Variants in ATG7 observed in about 807,000 individuals in gnomAD.
ATG7 encodes ubiquitin-like modifier-activating enzyme ATG7.
A neutral mutation model predicts 82.4 loss-of-function variants in ATG7; 70 were observed. That is an observed-to-expected ratio of 0.85 (90% confidence interval 0.70 to 1.04). ATG7 has a LOEUF of 1.04. Among genes scored for constraint, ATG7 ranks in the 50% least tolerant of loss-of-function variants. ATG7 has a pLI of 0.00. For missense variants in ATG7, 792 were observed against 864.3 expected (o/e 0.92, Z 1.05); for synonymous variants, 287 against 313.0 (o/e 0.92, Z 0.88).
intron 20 of ATG7, among the ~76,000 whole-genome samples, chr3:11,510,622 G>A (rs1350423555): frequency 2.6e-5 from 4 of 152,132 alleles, no homozygotes; most frequent in East Asian, 1.9e-4. Context: ...GGAGAGGCTC[G>A]CCTTGGAGGA....
chr3:11,467,921 C>A (rs191800582), intron 20 of ATG7, among the ~76,000 whole-genome samples: 3 of 152,190 alleles, frequency 2.0e-5, no homozygotes, highest in East Asian at 1.9e-4. Flanking sequence ...AGAAAGAATT[C>A]CTCCCCCAGT....
At chr3:11,520,238 C>T (rs547397095) in intron 20 of ATG7, among the ~76,000 whole-genome samples, 1 of 152,282 alleles carries the variant, frequency 6.6e-6, no homozygotes, top group South Asian at 2.1e-4. Context: ...AGCTCATGCT[C>T]CACACCTCGA....
intron 13 of ATG7, 68 bp downstream of exon 13, chr3:11,342,347 A>C: frequency 6.6e-7 from 1 of 1,513,812 alleles, no homozygotes; most frequent in Non-Finnish European, 8.8e-7. Flanking sequence ...TTTTACTCTC[A>C]TGATTGCCTT....
At chr3:11,445,057 T>G (rs537894895) in intron 20 of ATG7, among the ~76,000 whole-genome samples, 288 of 152,294 alleles carry the variant, frequency 1.9e-3, no homozygotes, top group African/African-American at 6.7e-3. Flanking sequence ...AAACAATAGA[T>G]GCTGGCGAGG....
At chr3:11,358,323 A>T in intron 14 of ATG7, 95 bp from the exon 15 acceptor site, 1 of 1,278,068 alleles carries the variant, frequency 7.8e-7, no homozygotes, top group Non-Finnish European at 1.1e-6. Context: ...ATGTATGTGA[A>T]CACAAGTAAG....
downstream of ATG7, among the ~76,000 whole-genome samples, chr3:11,560,916 C>T (rs986968165): frequency 2.0e-5 from 3 of 152,180 alleles, no homozygotes; most frequent in African/African-American, 7.2e-5. Context: ...CAGACAGGCT[C>T]GGAAAGGGGG....
chr3:11,375,733 T>C (rs2077369925), intron 18 of ATG7, among the ~76,000 whole-genome samples: 1 of 152,198 alleles, frequency 6.6e-6, no homozygotes. Flanking sequence ...CTAATTTTTA[T>C]ATTTTTACTA....
chr3:11,315,044 G>C (rs999802315), intron 8 of ATG7, among the ~76,000 whole-genome samples: 2 of 152,186 alleles, frequency 1.3e-5, no homozygotes, highest in African/African-American at 4.8e-5. Flanking sequence ...GTTATCATAG[G>C]AGAGAAAGAA....
intron 20 of ATG7, among the ~76,000 whole-genome samples, chr3:11,493,324 G>C (rs957030701): frequency 1.3e-5 from 2 of 152,164 alleles, no homozygotes; most frequent in East Asian, 3.9e-4. Flanking sequence ...ACATCCAGCT[G>C]CTTCTCCTCT....
intron 20 of ATG7, among the ~76,000 whole-genome samples, chr3:11,454,338 T>C (rs2085488266): frequency 6.6e-6 from 1 of 152,172 alleles, no homozygotes; most frequent in Admixed American, 6.5e-5. Context: ...CCAAAATGCT[T>C]GGGTCAGAAA....
At chr3:11,497,620 A>G (rs955051254) in intron 20 of ATG7, among the ~76,000 whole-genome samples, 1 of 149,264 alleles carries the variant, frequency 6.7e-6, no homozygotes, top group African/African-American at 2.5e-5. Flanking sequence ...ATGTTATTCT[A>G]TCTTAATGCA....
chr3:11,340,166 T>C (rs1041693499), intron 11 of ATG7, among the ~76,000 whole-genome samples: 3 of 152,192 alleles, frequency 2.0e-5, no homozygotes, highest in African/African-American at 7.2e-5. Flanking sequence ...GACTGTGATC[T>C]GCTCACAGGT....
chr3:11,534,997 C>G (rs2092763110), intron 20 of ATG7, among the ~76,000 whole-genome samples: 2 of 152,258 alleles, frequency 1.3e-5, no homozygotes. Flanking sequence ...ACATTCTCAT[C>G]CCAAGGTCTT....
At chr3:11,511,042 C>T (rs1460978012) in intron 20 of ATG7, among the ~76,000 whole-genome samples, 1 of 152,132 alleles carries the variant, frequency 6.6e-6, no homozygotes, top group African/African-American at 2.4e-5. Flanking sequence ...GTCTCGCTGG[C>T]TCGGGAGTGA....
chr3:11,285,886 A>G (rs779561637), intron 3 of ATG7, among the ~76,000 whole-genome samples: 2 of 152,156 alleles, frequency 1.3e-5, no homozygotes, highest in Admixed American at 1.3e-4. Context: ...ATGTCCTTTT[A>G]TAGTGGAGCA....
At chr3:11,571,298 A>C in the ATG7 span, among the ~76,000 whole-genome samples, 1 of 152,160 alleles carries the variant, frequency 6.6e-6, no homozygotes, top group Non-Finnish European at 1.5e-5. Context: ...AAAGCCACCA[A>C]AAAGTCAAGG....
chr3:11,515,772 T>C (rs2124862508), intron 20 of ATG7, among the ~76,000 whole-genome samples: 3 of 152,302 alleles, frequency 2.0e-5, no homozygotes, highest in Middle Eastern at 6.8e-3. Context: ...TGGACCCTTT[T>C]CCTCAAAGAG....
At chr3:11,424,882 A>G (rs950193688) in intron 19 of ATG7, among the ~76,000 whole-genome samples, 5 of 152,108 alleles carry the variant, frequency 3.3e-5, no homozygotes, top group African/African-American at 1.2e-4. Context: ...CACAGTCTAG[A>G]TATTGCTTTT....
At chr3:11,525,755 C>T (rs528890650) in intron 20 of ATG7, among the ~76,000 whole-genome samples, 4 of 151,858 alleles carry the variant, frequency 2.6e-5, no homozygotes, top group South Asian at 4.2e-4. Context: ...GGGGTTTCAC[C>T]GTGTTAGCCA....
Sources: gnomAD v4.1 joint callset for allele counts (sites outside exome capture counted in the v4.1 genomes callset) on GRCh38, gnomAD v4.1.1 for gene constraint, MANE v1.5 for transcripts, NCBI Gene and HGNC (gene_info 2026-07-23, HGNC 2026-07-21) for gene names.